Variants in AQP4 observed in about 807,000 individuals in gnomAD.
AQP4 encodes the protein aquaporin-4.
AQP4 carries 18 observed loss-of-function variants against 27.8 expected under a neutral mutation model. The observed-to-expected ratio is 0.65, with a 90% CI of 0.45 to 0.96. The LOEUF is 0.96. Among genes scored for constraint, AQP4 ranks in the 40% least tolerant of loss-of-function variants. The pLI is 0.00. For synonymous variants in AQP4, 141 were observed against 142.9 expected, an observed-to-expected ratio of 0.99 and a Z score of 0.10; for missense variants, 412 against 408.2, an observed-to-expected ratio of 1.01 and a Z score of -0.08.
chr18:26,855,872 C>A lies in AQP4; in HGVS notation c.*339G>T. On this transcript the variant is annotated 3_prime_UTR_variant, in exon 5 of 5. Coordinates refer to ENST00000383168, the MANE Select transcript of AQP4 (RefSeq NM_001650.7). ...AATATTCCAGTAGAGAAGGAATAAG[C>A]TGATAGACGTGTCTTTGAGTTCTGT... 2 of 332,494 alleles carry A rather than the reference C, an allele frequency of 6.0e-6. No homozygotes were observed. The highest frequency in any genetic ancestry group is 4.4e-5 in the Admixed American group (1 of 22,600). 20.6% of individuals were successfully genotyped at this position (332,494 alleles called of 1,614,324 possible). A position where few individuals can be genotyped will look rare whatever the true frequency, so the allele number is the denominator to read the frequency against.
intron 1 of AQP4, among the ~76,000 whole-genome samples, chr18:26,863,686 G>T (rs1433783414): frequency 6.6e-6 from 1 of 151,918 alleles, no homozygotes. Context: ...CAGAGCTCGG[G>T]AAGTCAGGAA....
chr18:26,860,630 T>C, intron 4 of AQP4, 142 bp downstream of exon 4: 1 of 781,932 alleles, frequency 1.3e-6, no homozygotes. Context: ...TTCCCTAGTC[T>C]TTATGAAAGA....
At chr18:26,860,282 T>C (rs1396010183) in intron 4 of AQP4, among the ~76,000 whole-genome samples, 1 of 152,212 alleles carries the variant, frequency 6.6e-6, no homozygotes, top group Non-Finnish European at 1.5e-5. Flanking sequence ...TACTATTAAT[T>C]GAGTTCATGC....
chr18:26,861,296 C>G lies in AQP4; in HGVS notation c.448-1G>C. On this transcript the variant is annotated splice_acceptor_variant, in intron 2 of 4. Transcript: ENST00000383168. LOFTEE classifies it high-confidence loss of function. ...GACCAGCGGTAAGATTTCCATGAAC[C>G]TAGAGAAAGAAAAATATTCCATCAG... 6.2e-7 allele frequency: 1 copy of G among 1,613,250 alleles called. No individual in the cohort carries two copies. Among genetic ancestry groups the G allele is most frequent in the Non-Finnish European group, 8.5e-7 (1 of 1,179,308 alleles).
At chr18:26,862,996 T>G (rs1249218666) in intron 1 of AQP4, 111 of 92,932 alleles carry the variant, frequency 1.2e-3, no homozygotes, top group South Asian at 1.8e-3. Context: ...AAGGTGTGCG[T>G]GGGGGGGGGG....
intron 4 of AQP4, among the ~76,000 whole-genome samples, chr18:26,857,702 GA>G (rs1189345378): frequency 6.6e-6 from 1 of 152,190 alleles, no homozygotes; most frequent in Non-Finnish European, 1.5e-5. Context: ...ATTTGCTTTA[GA>G]GCACATGTGT....
intron 1 of AQP4, among the ~76,000 whole-genome samples, chr18:26,865,061 A>C (rs1211575945): frequency 1.3e-4 from 20 of 151,658 alleles, no homozygotes; most frequent in Non-Finnish European, 2.9e-5. Flanking sequence ...TTAAATCCAC[A>C]AAAATCTGAT....
At position 26,852,262 on chromosome 18, in the gene AQP4, A is replaced by T. The variant is rs2054763144; in HGVS notation, c.*3949T>A. ...ACCATATGTTCAGTCTATTCTCCCC[A>T]GTTTATCCTAAATGACAATTTTATT... On this transcript the variant is annotated 3_prime_UTR_variant, in exon 5 of 5. Transcript: ENST00000383168. The T allele has an allele frequency of 6.6e-6, 1 of 152,186 alleles. No individual in the cohort carries two copies. Among genetic ancestry groups the T allele is most frequent in the Non-Finnish European group, 1.5e-5 (1 of 68,018 alleles). The allele number at this position is 152,186 out of a possible 1,614,324, so 9.4% of individuals were successfully genotyped here.
At chr18:26,865,746 G>T (rs2055050679), upstream of AQP4, 2 of 1,608,542 alleles carry the variant, frequency 1.2e-6, no homozygotes, top group East Asian at 4.5e-5. Context: ...CCTGTGTGCT[G>T]GGAGTCAGAT....
In AQP4 at chr18:26,854,539, A is replaced by G. The variant is rs1467109210; in HGVS notation, c.*1672T>C. 1.3e-5 allele frequency: 2 copies of G among 152,580 alleles called. No homozygotes were observed. The highest frequency in any genetic ancestry group is 2.9e-5 in the Non-Finnish European group (2 of 68,040). 9.5% of individuals were successfully genotyped at this position (152,580 alleles called of 1,614,324 possible). On this transcript the variant is annotated 3_prime_UTR_variant, in exon 5 of 5. Transcript: ENST00000383168. Reference sequence around the variant, plus strand: ...TGCCAGTGGCACTCCCAGGCATAACACTGGTGTGACGACTCTCTGGGAATC... The same window carrying G: ...TGCCAGTGGCACTCCCAGGCATAACGCTGGTGTGACGACTCTCTGGGAATC...
intron 4 of AQP4, among the ~76,000 whole-genome samples, chr18:26,856,802 A>G (rs901877778): frequency 2.6e-5 from 4 of 152,338 alleles, no homozygotes; most frequent in African/African-American, 9.6e-5. Flanking sequence ...CTACAAATTA[A>G]GCGCACTAAG....
rs2054903639 is a variant in AQP4 at position 26,859,608 on chromosome 18, T to C, written c.693+1164A>G. Reference sequence around the variant, plus strand: ...ACAGTTTTTGAGACATAAATGGAGGTATCAGTGACAAAATGACTAATCTCA... The same window carrying C: ...ACAGTTTTTGAGACATAAATGGAGGCATCAGTGACAAAATGACTAATCTCA... On this transcript the variant is annotated intron_variant, in intron 4 of 4. Coordinates refer to ENST00000383168, the MANE Select transcript of AQP4 (RefSeq NM_001650.7). 2.0e-5 allele frequency among the ~76,000 whole-genome samples: 3 copies of C among 152,224 alleles called. 1 individual carries two copies. In the South Asian group the frequency reaches 6.2e-4, roughly 32 times the overall value.
At position 26,856,202 on chromosome 18, in the gene AQP4, A is replaced by T; in HGVS notation, c.*9T>A. 6.2e-7 allele frequency: 1 copy of T among 1,614,136 alleles called. No homozygotes were observed. Among genetic ancestry groups the T allele is most frequent in the Non-Finnish European group, 8.5e-7 (1 of 1,180,012 alleles). ...AGGAGTCTTGTCTGCTTTCAGTGCG[A>T]TCTTCTAGTCATACTGAAGACAATA... On this transcript the variant is annotated 3_prime_UTR_variant, in exon 5 of 5. Transcript: ENST00000383168.
In AQP4 at chr18:26,855,928, G is replaced by C; in HGVS notation, c.*283C>G. The stretch of plus-strand genomic sequence containing the variant: ...AAGACTTAACCAAATCTTGACACAC[G>C]GTTAAAATTGGTTGTTAATGAAAGG... On this transcript the variant is annotated 3_prime_UTR_variant, in exon 5 of 5. Transcript: ENST00000383168. 5.0e-6 allele frequency: 2 copies of C among 397,950 alleles called. No individual in the cohort carries two copies. The highest frequency in any genetic ancestry group is 9.3e-6 in the Non-Finnish European group (2 of 214,506). The allele number at this position is 397,950 out of a possible 1,614,324, so 24.7% of individuals were successfully genotyped here.
chr18:26,856,019 G>T lies in AQP4; in HGVS notation c.*192C>A. The T allele has an allele frequency of 2.9e-6, 2 of 680,186 alleles. No individual in the cohort carries two copies. The highest frequency in any genetic ancestry group is 2.0e-5 in the South Asian group (1 of 49,874). The allele number at this position is 680,186 out of a possible 1,614,324, so 42.1% of individuals were successfully genotyped here. A position where few individuals can be genotyped will look rare whatever the true frequency, so the allele number is the denominator to read the frequency against. ...TAAAAATATTTCTTTTTTTAGATTT[G>T]GAATTCACAATAGGTTTCTTCCGTT... is the stretch of plus-strand genomic sequence containing the variant. On this transcript the variant is annotated 3_prime_UTR_variant, in exon 5 of 5. Transcript: ENST00000383168.
chr18:26,861,253 A>G lies in AQP4; in HGVS notation c.490T>C (p.Leu164=), dbSNP rs1188394576. The change falls in exon 3 of 5, where the codon TTG becomes CTG. Residue 164 remains leucine, a synonymous_variant. Transcript: ENST00000383168. Reference sequence around the variant, plus strand: ...AACACCAATTGAAATGTGATTATCAACTCAACCAGGAGACCATGACCAGCG... The same window carrying G: ...AACACCAATTGAAATGTGATTATCAGCTCAACCAGGAGACCATGACCAGCG... ...LTAGHGLLVE[L]IITFQLVFTI... is the part of the protein sequence containing the mutation. The G allele has an allele frequency of 6.2e-7, 1 of 1,614,132 alleles. No homozygotes were observed. Among genetic ancestry groups the G allele is most frequent in the East Asian group, 2.2e-5 (1 of 44,874 alleles).
At chr18:26,864,111 T>C (rs1021664568) in intron 1 of AQP4, among the ~76,000 whole-genome samples, 1 of 152,174 alleles carries the variant, frequency 6.6e-6, no homozygotes. Context: ...GAGAATCTAA[T>C]TGCAGAGGAC....
Position 26,860,836 on chromosome 18 carries a change from G to A in AQP4, c.629C>T (p.Ala210Val). ...GHLFAINYTG[A>V]SMNPARSFGP... The stretch of plus-strand genomic sequence containing the variant: ...AAAGGATCGGGCGGGATTCATGCTG[G>A]CACCAGTATAATTGATCTATAGGAA... Residue 210 changes from alanine (A) to valine (V), a missense_variant, in exon 4 of 5, where the codon GCC (alanine) becomes GTC (valine). Physicochemically the swap from Ala to Val is moderately conservative, Grantham distance 64 (BLOSUM62 0). Coordinates refer to ENST00000383168, the MANE Select transcript of AQP4 (RefSeq NM_001650.7). 1 of 1,614,040 alleles carries A rather than the reference G, an allele frequency of 6.2e-7. No individual in the cohort carries two copies. The highest frequency in any genetic ancestry group is 1.1e-5 in the South Asian group (1 of 91,084).
At chr18:26,857,728 G>T (rs2054869920) in intron 4 of AQP4, among the ~76,000 whole-genome samples, 1 of 152,212 alleles carries the variant, frequency 6.6e-6, no homozygotes, top group Non-Finnish European at 1.5e-5. Context: ...TAGAATATTA[G>T]ACATTTATTT....
Sources: allele counts gnomAD v4.1 joint callset (sites outside exome capture counted in the v4.1 genomes callset), GRCh38; gene constraint gnomAD v4.1.1; transcripts MANE v1.5; gene names NCBI Gene and HGNC (gene_info 2026-07-23, HGNC 2026-07-21).